The following MLLT3 variants were observed in gnomAD, a reference collection of about 807,000 sequenced individuals.
MLLT3 encodes MLLT3 super elongation complex subunit.
MLLT3 carries 4 observed loss-of-function variants against 53.2 expected under a neutral mutation model. The observed-to-expected ratio is 0.08, with a 90% CI of 0.04 to 0.17. The LOEUF (loss-of-function observed/expected upper bound fraction) is 0.17. MLLT3 is among the 10% of genes least tolerant of loss of function. MLLT3 has a pLI of 1.00. For synonymous variants in MLLT3, 283 were observed against 230.6 expected (o/e 1.23, Z -2.06); for missense variants, 569 against 684.0 (o/e 0.83, Z 1.87).
intron 2 of MLLT3, among the ~76,000 whole-genome samples, chr9:20,557,915 C>G (rs1238775707): frequency 6.6e-6 from 1 of 152,142 alleles, no homozygotes. Flanking sequence ...AGAGACAATA[C>G]ATGGAAAATA....
intron 8 of MLLT3, among the ~76,000 whole-genome samples, chr9:20,356,149 A>G (rs952903275): frequency 1.3e-5 from 2 of 152,220 alleles, no homozygotes; most frequent in Non-Finnish European, 2.9e-5. Flanking sequence ...CCTGGAAAAG[A>G]CCGAATACTC....
intron 5 of MLLT3, among the ~76,000 whole-genome samples, chr9:20,379,767 G>C (rs1183466765): frequency 6.6e-6 from 1 of 151,924 alleles, no homozygotes. Flanking sequence ...TTCTTAACAA[G>C]TAAGTAGATC....
intron 2 of MLLT3, among the ~76,000 whole-genome samples, chr9:20,523,246 C>T (rs141515146): frequency 4.2e-4 from 64 of 152,304 alleles, no homozygotes; most frequent in Non-Finnish European, 8.2e-4. Flanking sequence ...TATGGAGCAA[C>T]AGGAACTCTC....
chr9:20,443,593 C>T (rs936403752), intron 4 of MLLT3, among the ~76,000 whole-genome samples: 1 of 152,192 alleles, frequency 6.6e-6, no homozygotes, highest in Admixed American at 6.5e-5. Flanking sequence ...ACAGATCTAT[C>T]AATGCGCTGG....
At chr9:20,617,787 T>G (rs1452510272) in intron 2 of MLLT3, among the ~76,000 whole-genome samples, 1 of 152,202 alleles carries the variant, frequency 6.6e-6, no homozygotes, top group Non-Finnish European at 1.5e-5. Flanking sequence ...AGTTTTAAAT[T>G]GAAGGTCTCC....
chr9:20,378,697 T>C (rs753985244), intron 5 of MLLT3, among the ~76,000 whole-genome samples: 4 of 152,110 alleles, frequency 2.6e-5, no homozygotes, highest in Non-Finnish European at 5.9e-5. Flanking sequence ...AAATGTGCTA[T>C]ACTTACATTC....
intron 5 of MLLT3, among the ~76,000 whole-genome samples, chr9:20,369,669 T>C (rs764154210): frequency 5.9e-5 from 9 of 152,228 alleles, no homozygotes; most frequent in Non-Finnish European, 1.3e-4. Flanking sequence ...CTGTGAGTTA[T>C]GTATTTTATT....
At chr9:20,514,847 T>C (rs1389382261) in intron 2 of MLLT3, among the ~76,000 whole-genome samples, 1 of 152,116 alleles carries the variant, frequency 6.6e-6, no homozygotes, top group African/African-American at 2.4e-5. Context: ...GAAACCAGTA[T>C]TGTGTTCTAG....
chr9:20,483,163 T>C (rs759887128), intron 2 of MLLT3, among the ~76,000 whole-genome samples: 1 of 152,180 alleles, frequency 6.6e-6, no homozygotes, highest in Non-Finnish European at 1.5e-5. Context: ...GTAATCCATA[T>C]TAACGCAATG....
At chr9:20,408,953 A>T (rs1236855237) in intron 5 of MLLT3, among the ~76,000 whole-genome samples, 1 of 151,988 alleles carries the variant, frequency 6.6e-6, no homozygotes, top group Non-Finnish European at 1.5e-5. Flanking sequence ...ATCACCATCC[A>T]CCCTTGGGAA....
At chr9:20,404,661 C>A (rs894558622) in intron 5 of MLLT3, among the ~76,000 whole-genome samples, 1 of 152,116 alleles carries the variant, frequency 6.6e-6, no homozygotes, top group African/African-American at 2.4e-5. Context: ...TGCACTACCA[C>A]GCCCAGATAA....
At chr9:20,389,556 C>T (rs1188970716) in intron 5 of MLLT3, among the ~76,000 whole-genome samples, 1 of 152,046 alleles carries the variant, frequency 6.6e-6, no homozygotes, top group Admixed American at 6.6e-5. Context: ...GGGAGGACTG[C>T]TTGAGGCCAG....
chr9:20,358,384 T>C (rs1413114716), intron 8 of MLLT3, among the ~76,000 whole-genome samples: 2 of 152,178 alleles, frequency 1.3e-5, no homozygotes, highest in African/African-American at 4.8e-5. Context: ...TGACACATAA[T>C]ACAGTATTAT....
intron 2 of MLLT3, among the ~76,000 whole-genome samples, chr9:20,489,828 G>A (rs944902448): frequency 4.6e-5 from 7 of 152,054 alleles, no homozygotes; most frequent in Non-Finnish European, 8.8e-5. Flanking sequence ...AAAGTTAAAG[G>A]GAAACTACAT....
chr9:20,402,525 C>T lies in MLLT3; in HGVS notation c.1125+11196G>A, dbSNP rs556255483. Among the ~76,000 whole-genome samples, 16 of 145,760 alleles carry T rather than the reference C, an allele frequency of 1.1e-4. No homozygotes were observed. In the South Asian group the frequency reaches 3.0e-3, roughly 27 times the overall value. On this transcript the variant is annotated intron_variant, in intron 5 of 10. Coordinates refer to ENST00000380338, the MANE Select transcript of MLLT3 (RefSeq NM_004529.4). ...GGATCTGGGTTTCGTCCGCTGAGAACAGCAGTTTGTCCAAGTAAAGGCTTC... is the reference window on the plus strand; with the variant it reads ...GGATCTGGGTTTCGTCCGCTGAGAATAGCAGTTTGTCCAAGTAAAGGCTTC...
intron 2 of MLLT3, among the ~76,000 whole-genome samples, chr9:20,470,593 ACCTTATCAATTCCTTTTCCTTGTTTTT>A (rs1824366396): frequency 6.6e-6 from 1 of 152,018 alleles, no homozygotes; most frequent in Non-Finnish European, 1.5e-5. Flanking sequence ...AGCTTTACCT[ACCTTATCAATTCCTTTTCCTTGTTTTT>A]CTGTTTTCAT....
At chr9:20,452,661 C>G (rs957665162) in intron 3 of MLLT3, among the ~76,000 whole-genome samples, 1 of 152,040 alleles carries the variant, frequency 6.6e-6, no homozygotes, top group African/African-American at 2.4e-5. Context: ...AGAGCCTAGA[C>G]CTATTAAATT....
At chr9:20,574,174 GATA>G (rs1235037901) in intron 2 of MLLT3, among the ~76,000 whole-genome samples, 2 of 152,200 alleles carry the variant, frequency 1.3e-5, no homozygotes, top group Admixed American at 6.5e-5. Context: ...GTTCCTAGGT[GATA>G]ATGCCCGGAC....
chr9:20,588,199 A>G (rs1376906805), intron 2 of MLLT3, among the ~76,000 whole-genome samples: 13 of 151,532 alleles, frequency 8.6e-5, no homozygotes, highest in Non-Finnish European at 1.9e-4. Flanking sequence ...CCATTGATCT[A>G]TATCTCTGTT....
Sources: gnomAD v4.1 joint callset for allele counts (sites outside exome capture counted in the v4.1 genomes callset) on GRCh38, gnomAD v4.1.1 for gene constraint, MANE v1.5 for transcripts, NCBI Gene and HGNC (gene_info 2026-07-23, HGNC 2026-07-21) for gene names.